The following TOGARAM1 variants were observed in gnomAD, a reference collection of about 807,000 sequenced individuals.
TOGARAM1 encodes TOG array regulator of axonemal microtubules protein 1.
Under a neutral mutation model 166.6 loss-of-function variants are expected in TOGARAM1, and 100 were observed. The observed-to-expected ratio is 0.60, with a 90% CI of 0.51 to 0.71. The LOEUF is 0.71. TOGARAM1 is among the 30% of genes least tolerant of loss of function. The pLI is 0.00. For synonymous variants in TOGARAM1, 758 were observed against 763.8 expected, an observed-to-expected ratio of 0.99 and a Z score of 0.13; for missense variants, 2,029 against 2,102.7, an observed-to-expected ratio of 0.96 and a Z score of 0.69.
At chr14:44,998,721 TAC>T (rs1199720207) in intron 2 of TOGARAM1, among the ~76,000 whole-genome samples, 2 of 152,150 alleles carry the variant, frequency 1.3e-5, no homozygotes, top group Admixed American at 6.6e-5. Context: ...TTTTTAATCA[TAC>T]AGTTTCAGAA....
rs545179783 is a variant in TOGARAM1, at chr14:45,073,774, A to G, written c.*213A>G. On this transcript the variant is annotated 3_prime_UTR_variant, in exon 20 of 20. Coordinates refer to ENST00000361462, the MANE Select transcript of TOGARAM1 (RefSeq NM_001308120.2). ...AACCTAAAATATTCATGAATAATTC[A>G]TGAAATCTGAGTCACATGGGATGAA... 4 of 427,010 alleles carry G rather than the reference A, an allele frequency of 9.4e-6. No individual in the cohort carries two copies. In the South Asian group the frequency reaches 1.6e-4, roughly 17 times the overall value. 26.5% of individuals were successfully genotyped at this position (427,010 alleles called of 1,614,324 possible).
At chr14:45,058,297 C>CT (rs749622003) in intron 16 of TOGARAM1, among the ~76,000 whole-genome samples, 3,090 of 141,064 alleles carry the variant, frequency 0.022, 78 homozygotes, top group African/African-American at 0.057. Context: ...TGTAGAGTGT[C>CT]TTTTTTTTTT....
intron 16 of TOGARAM1, among the ~76,000 whole-genome samples, chr14:45,055,661 G>A (rs535287364): frequency 4.6e-5 from 7 of 151,992 alleles, no homozygotes; most frequent in Non-Finnish European, 8.8e-5. Flanking sequence ...AAAATTAGCC[G>A]GGCATGGTGG....
chr14:45,014,666 G>A, intron 7 of TOGARAM1, among the ~76,000 whole-genome samples: 1 of 152,088 alleles, frequency 6.6e-6, no homozygotes. Flanking sequence ...TTCCACCTAT[G>A]TTCTGCCACT....
Position 44,963,564 on chromosome 14 carries a change from A to T in TOGARAM1, c.1143A>T (p.Lys381Asn), listed in dbSNP as rs558375616. Reference sequence around the variant, plus strand: ...AAGAACTAAAGCAGGTGCTGGGAAAATTTAACCCTAGTTCTACTCCTCATT... The same window carrying T: ...AAGAACTAAAGCAGGTGCTGGGAAATTTTAACCCTAGTTCTACTCCTCATT... The part of the protein sequence containing the change: ...AVEELKQVLG[K>N]FNPSSTPHSS... Residue 381 changes from lysine (K) to asparagine (N), a missense_variant, in exon 1 of 20, where the codon AAA (lysine) becomes AAT (asparagine). By Grantham distance (94) the Lys-to-Asn change is moderately conservative. Transcript: ENST00000361462. 7 of 1,613,748 alleles carry T rather than the reference A, an allele frequency of 4.3e-6. 1 individual carries two copies. In the South Asian group the frequency reaches 7.7e-5, roughly 18 times the overall value.
chr14:45,006,990 T>G (rs1352883721), intron 5 of TOGARAM1: 1 of 152,154 alleles, frequency 6.6e-6, no homozygotes, highest in Non-Finnish European at 1.5e-5. Flanking sequence ...GGAATGCGGT[T>G]GCTGTATTAC....
Position 44,962,309 on chromosome 14 carries a change from C to A in TOGARAM1, c.-113C>A. The A allele has an allele frequency of 7.4e-7, 1 of 1,342,304 alleles. No individual in the cohort carries two copies. The highest frequency in any genetic ancestry group is 9.8e-7 in the Non-Finnish European group (1 of 1,018,818). 83.1% of individuals were successfully genotyped at this position (1,342,304 alleles called of 1,614,324 possible). ...GGCCTGGCGGCAGGCTGAAGCTGTT[C>A]TTTTGCCTCTTCTGCAGCTTGGGGC... On this transcript the variant is annotated 5_prime_UTR_variant, in exon 1 of 20. Coordinates refer to ENST00000361462, the MANE Select transcript of TOGARAM1 (RefSeq NM_001308120.2).
Position 44,962,930 on chromosome 14 carries a change from G to A in TOGARAM1, c.509G>A (p.Gly170Asp), listed in dbSNP as rs1410858405. 6.2e-7 allele frequency: 1 copy of A among 1,614,220 alleles called. No homozygotes were observed. Among genetic ancestry groups the A allele is most frequent in the Non-Finnish European group, 8.5e-7 (1 of 1,180,046 alleles). Reference protein sequence around the residue: ...SDVLRGQGEAGQLEEAFSLAL... With the variant: ...SDVLRGQGEADQLEEAFSLAL... ...GTTCTCCGGGGTCAGGGGGAGGCAG[G>A]CCAGCTTGAAGAGGCCTTTAGCTTA... The change falls in exon 1 of 20, where the codon GGC (glycine) becomes GAC (aspartate). Residue 170 changes from glycine (G) to aspartate (D), a missense_variant. Physicochemically the swap from Gly to Asp is moderately conservative, Grantham distance 94. Transcript: ENST00000361462.
rs368444580 is a variant in TOGARAM1 at position 45,066,621 on chromosome 14, C to T, written c.4603C>T (p.Arg1535Cys). 1.8e-5 allele frequency: 29 copies of T among 1,612,154 alleles called. No individual in the cohort carries two copies. The highest frequency in any genetic ancestry group is 2.5e-5 in the Non-Finnish European group (29 of 1,178,746). The stretch of plus-strand genomic sequence containing the variant: ...TGAAGTCACCAGAAAATCAGTCCCT[C>T]GTAATTCCTTAGAAAGTGCTGAGTA... ...VREVTRKSVP[R>C]NSLESAEYLK... Residue 1535 changes from arginine to cysteine, a missense_variant, in exon 17 of 20, where the codon CGT (arginine) becomes TGT (cysteine). This residue lies in a region of TOGARAM1 where 576 missense variants were observed against 670.5 expected (regional missense o/e 0.86). Transcript: ENST00000361462.
chr14:44,977,257 T>TG (rs1886248358), intron 1 of TOGARAM1, among the ~76,000 whole-genome samples: 1 of 140,828 alleles, frequency 7.1e-6, no homozygotes. Context: ...TTTTTTGAGA[T>TG]GGAGTCTTGC....
At chr14:44,978,166 A>C (rs963335411) in intron 1 of TOGARAM1, 1 of 152,204 alleles carries the variant, frequency 6.6e-6, no homozygotes, top group African/African-American at 2.4e-5. Flanking sequence ...CACTGATAAA[A>C]GTAGTTTGAG....
chr14:45,031,892 G>A (rs779226314), intron 10 of TOGARAM1, among the ~76,000 whole-genome samples: 2 of 152,128 alleles, frequency 1.3e-5, no homozygotes, highest in Non-Finnish European at 2.9e-5. Flanking sequence ...AGGCATGGTG[G>A]CTCATGCCTG....
At chr14:45,064,725 C>G (rs1289135684) in intron 16 of TOGARAM1, among the ~76,000 whole-genome samples, 2 of 152,164 alleles carry the variant, frequency 1.3e-5, no homozygotes, top group Non-Finnish European at 2.9e-5. Context: ...ATGTAACAGT[C>G]TCTGCTTTTT....
At chr14:44,985,104 C>T (rs910930387) in intron 1 of TOGARAM1, among the ~76,000 whole-genome samples, 1 of 152,072 alleles carries the variant, frequency 6.6e-6, no homozygotes. Flanking sequence ...ACCTCTGCCT[C>T]CCAGGTTCAA....
At chr14:45,003,279 T>C (rs1887771657) in intron 3 of TOGARAM1, among the ~76,000 whole-genome samples, 1 of 152,000 alleles carries the variant, frequency 6.6e-6, no homozygotes, top group African/African-American at 2.4e-5. Context: ...CTAGGTATTT[T>C]GTCACGGAAA....
At chr14:44,977,496 A>C (rs543761320) in intron 1 of TOGARAM1, among the ~76,000 whole-genome samples, 140 of 152,220 alleles carry the variant, frequency 9.2e-4, no homozygotes, top group Middle Eastern at 3.4e-3. Flanking sequence ...TTGGCCACCC[A>C]AAGTGCTGGG....
intron 11 of TOGARAM1, among the ~76,000 whole-genome samples, chr14:45,037,116 A>G (rs1325582907): frequency 6.6e-6 from 1 of 152,114 alleles, no homozygotes; most frequent in Non-Finnish European, 1.5e-5. Flanking sequence ...AACCCTATCA[A>G]TTATCTTACT....
intron 1 of TOGARAM1, among the ~76,000 whole-genome samples, chr14:44,975,775 CTTT>C (rs34089963): frequency 7.0e-5 from 9 of 128,062 alleles, no homozygotes; most frequent in Admixed American, 1.6e-4. Context: ...CTTCCCCTGC[CTTT>C]TTTTTTTTTT....
intron 1 of TOGARAM1, among the ~76,000 whole-genome samples, chr14:44,973,592 C>T (rs372973352): frequency 3.4e-5 from 5 of 147,782 alleles, no homozygotes; most frequent in South Asian, 2.1e-4. Flanking sequence ...CTCTCTCTCT[C>T]TCTCTATATA....
Sources: gnomAD v4.1 joint callset for allele counts (sites outside exome capture counted in the v4.1 genomes callset) on GRCh38, gnomAD v4.1.1 for gene constraint, gnomAD v4.1.1 regional missense constraint, MANE v1.5 for transcripts, NCBI Gene and HGNC (gene_info 2026-07-23, HGNC 2026-07-21) for gene names.